The following NLGN1 variants were observed in gnomAD, a reference collection of about 807,000 sequenced individuals.
NLGN1 encodes the protein neuroligin 1, also known as neuroligin-1.
Under a neutral mutation model 65.5 loss-of-function variants are expected in NLGN1, and 12 were observed. That is an observed-to-expected ratio of 0.18 (90% CI 0.12 to 0.30). The LOEUF (loss-of-function observed/expected upper bound fraction) is 0.30, where lower values mean the gene tolerates loss of function less well. Ranked by LOEUF, NLGN1 falls within the 10% of genes least tolerant of loss-of-function variation. NLGN1 has a pLI of 1.00. For missense variants in NLGN1, 750 were observed against 1,007.1 expected (o/e 0.74, Z 3.46); for synonymous variants, 350 against 359.5 (o/e 0.97, Z 0.30).
intron 2 of NLGN1, among the ~76,000 whole-genome samples, chr3:173,440,271 T>C (rs1449500992): frequency 6.6e-6 from 1 of 152,172 alleles, no homozygotes; most frequent in African/African-American, 2.4e-5. Context: ...CTTCCTCCAC[T>C]GAAGACTTAA....
At chr3:174,088,073 GT>G (rs1743759282) in intron 4 of NLGN1, among the ~76,000 whole-genome samples, 1 of 152,036 alleles carries the variant, frequency 6.6e-6, no homozygotes, top group African/African-American at 2.4e-5. Flanking sequence ...ATTACATTTT[GT>G]TTTTTCCTCA....
Position 173,870,880 on chromosome 3 carries a change from C to A in NLGN1, c.646+63048C>A, listed in dbSNP as rs74607680. On this transcript the variant is annotated intron_variant, in intron 4 of 6. Coordinates refer to ENST00000457714, the Ensembl canonical transcript of NLGN1. ...CAATATTTGGTCTTTGAACCCATTT[C>A]TTGACACAGAACTCCTAATACCTTA... 7.1e-3 allele frequency among the ~76,000 whole-genome samples: 1,088 copies of A among 152,290 alleles called. 13 individuals carry two copies. The highest frequency in any genetic ancestry group is 0.025 in the African/African-American group (1,022 of 41,554).
At chr3:173,905,775 C>T (rs1738255903) in intron 4 of NLGN1, among the ~76,000 whole-genome samples, 1 of 152,204 alleles carries the variant, frequency 6.6e-6, no homozygotes. Flanking sequence ...AGGACATAGC[C>T]TTTCCTTGAA....
chr3:174,104,356 C>G (rs6764414), intron 4 of NLGN1, among the ~76,000 whole-genome samples: 42,116 of 151,840 alleles, frequency 0.28, 7,572 homozygotes, highest in African/African-American at 0.52. Context: ...TTTCACTGGG[C>G]TATATTTATA....
chr3:173,648,372 GAT>G (rs946786808), intron 3 of NLGN1, among the ~76,000 whole-genome samples: 2 of 152,112 alleles, frequency 1.3e-5, no homozygotes, highest in African/African-American at 4.8e-5. Context: ...GGAGATAAGA[GAT>G]AAGAAATAAG....
At chr3:173,477,645 A>G (rs927138006) in intron 2 of NLGN1, among the ~76,000 whole-genome samples, 2 of 152,204 alleles carry the variant, frequency 1.3e-5, no homozygotes, top group African/African-American at 4.8e-5. Flanking sequence ...CTGAAACTGA[A>G]TAATGAGAGA....
intron 2 of NLGN1, among the ~76,000 whole-genome samples, chr3:173,547,728 A>G (rs142977854): frequency 2.0e-5 from 3 of 152,230 alleles, no homozygotes; most frequent in African/African-American, 4.8e-5. Flanking sequence ...CAGACAATGG[A>G]TTAGTGGTTT....
At chr3:174,086,866 G>A (rs141584189) in intron 4 of NLGN1, among the ~76,000 whole-genome samples, 1,823 of 151,900 alleles carry the variant, frequency 0.012, 19 homozygotes, top group Non-Finnish European at 0.018. Flanking sequence ...TATTTTTCTT[G>A]TTATAAATCC....
chr3:173,659,029 G>A lies in NLGN1; in HGVS notation c.493+53938G>A, dbSNP rs567998734. 1.1e-4 allele frequency among the ~76,000 whole-genome samples: 16 copies of A among 152,096 alleles called. No individual in the cohort carries two copies. The South Asian group carries it at 3.3e-3, about 32-fold the overall frequency. On this transcript the variant is annotated intron_variant, in intron 3 of 6. Coordinates refer to ENST00000457714, the Ensembl canonical transcript of NLGN1. ...TTTTGGTCTTCTCTTTAACAGAGAA[G>A]TGTAACTCCAGAAGCTTGAAGCCTT...
chr3:173,453,406 A>T (rs1203318653), intron 2 of NLGN1, among the ~76,000 whole-genome samples: 2 of 151,896 alleles, frequency 1.3e-5, no homozygotes, highest in Admixed American at 1.3e-4. Flanking sequence ...AAATAAAGCA[A>T]CAATGAAGTT....
chr3:174,158,813 G>GC (rs1725952903), intron 4 of NLGN1, among the ~76,000 whole-genome samples: 1 of 149,676 alleles, frequency 6.7e-6, no homozygotes, highest in African/African-American at 2.5e-5. Flanking sequence ...TAGTGTAGAT[G>GC]CCAGTTCATC....
At position 173,676,978 on chromosome 3, in the gene NLGN1, G is replaced by A. The variant is rs9832948; in HGVS notation, c.493+71887G>A. Among the ~76,000 whole-genome samples, 729 of 152,182 alleles carry A rather than the reference G, an allele frequency of 4.8e-3. 8 individuals are homozygous for A. The highest frequency in any genetic ancestry group is 0.017 in the African/African-American group (698 of 41,520). ...TAATATTTGTTGAATTAATTTAAAA[G>A]TGAACTGTGGGAAAATAGGTTCGGT... On this transcript the variant is annotated intron_variant, in intron 3 of 6. Coordinates refer to ENST00000457714, the Ensembl canonical transcript of NLGN1.
chr3:174,166,376 C>A (rs928609299), intron 4 of NLGN1, among the ~76,000 whole-genome samples: 1 of 151,816 alleles, frequency 6.6e-6, no homozygotes, highest in South Asian at 2.1e-4. Flanking sequence ...TATCAGAGAC[C>A]TTTTGGTATG....
chr3:173,452,527 A>G (rs923434844), intron 2 of NLGN1, among the ~76,000 whole-genome samples: 11 of 152,080 alleles, frequency 7.2e-5, no homozygotes, highest in Admixed American at 1.3e-4. Context: ...TCTTATTGCT[A>G]TGTTGACATG....
chr3:173,637,138 C>G (rs530159225), intron 3 of NLGN1, among the ~76,000 whole-genome samples: 2 of 152,138 alleles, frequency 1.3e-5, no homozygotes, highest in East Asian at 1.9e-4. Context: ...TATTCCCAAA[C>G]AAAAAACTTG....
chr3:173,662,936 G>C (rs1761145611), intron 3 of NLGN1, among the ~76,000 whole-genome samples: 1 of 152,004 alleles, frequency 6.6e-6, no homozygotes, highest in African/African-American at 2.4e-5. Context: ...AAAGTACAGA[G>C]GAACTAGCCT....
intron 4 of NLGN1, among the ~76,000 whole-genome samples, chr3:174,097,181 G>T (rs1303711230): frequency 1.3e-5 from 2 of 152,152 alleles, no homozygotes; most frequent in Non-Finnish European, 2.9e-5. Flanking sequence ...TTAATCAACA[G>T]ATGGGATATT....
Position 173,455,442 on chromosome 3 carries a change from T to A in NLGN1, c.-321+20364T>A, listed in dbSNP as rs187361423. On this transcript the variant is annotated intron_variant, in intron 2 of 6. Coordinates refer to ENST00000457714, the Ensembl canonical transcript of NLGN1. The stretch of plus-strand genomic sequence containing the variant: ...TCCAACATTTGAGGTTACATTTCAA[T>A]ATGTGATTCAGTGGGGACAAAATAT... Among the ~76,000 whole-genome samples, 631 of 152,238 alleles carry A rather than the reference T, an allele frequency of 4.1e-3. 4 individuals are homozygous for A. The highest frequency in any genetic ancestry group is 0.01 in the Middle Eastern group (3 of 294).
chr3:173,638,939 T>G (rs181224767), intron 3 of NLGN1, among the ~76,000 whole-genome samples: 2 of 152,140 alleles, frequency 1.3e-5, no homozygotes, highest in Admixed American at 1.3e-4. Flanking sequence ...GTAGTATTTA[T>G]GAAAACAGAA....
Sources: gnomAD v4.1 joint callset for allele counts (sites outside exome capture counted in the v4.1 genomes callset) on GRCh38, gnomAD v4.1.1 for gene constraint, MANE v1.5 for transcripts, NCBI Gene and HGNC (gene_info 2026-07-23, HGNC 2026-07-21) for gene names.